The following GRIK1 variants were observed in gnomAD, a reference collection of about 807,000 sequenced individuals.
GRIK1 encodes the protein glutamate receptor ionotropic, kainate 1.
A neutral mutation model predicts 105.7 loss-of-function variants in GRIK1; 69 were observed. That is an observed-to-expected ratio of 0.65 (90% CI 0.54 to 0.80). GRIK1 has a LOEUF of 0.80. GRIK1 is among the 30% of genes least tolerant of loss of function. The pLI, the probability that GRIK1 is intolerant of heterozygous loss-of-function variation, is 0.00. For synonymous variants in GRIK1, 438 were observed against 431.3 expected, an observed-to-expected ratio of 1.02 and a Z score of -0.19; for missense variants, 1,109 against 1,167.3, an observed-to-expected ratio of 0.95 and a Z score of 0.73.
At chr21:29,560,377 C>CT (rs1568813771) in intron 15 of GRIK1, among the ~76,000 whole-genome samples, 9 of 54,084 alleles carry the variant, frequency 1.7e-4, no homozygotes, top group Admixed American at 2.3e-4. Context: ...TCCTTCCTTC[C>CT]TTCCTTCCTT....
chr21:29,553,584 G>C (rs199896632), intron 16 of GRIK1: 35 of 1,592,746 alleles, frequency 2.2e-5, no homozygotes, highest in Non-Finnish European at 3.0e-5. Flanking sequence ...GACTGTTTTC[G>C]AATCCCTCTC....
chr21:29,729,263 G>A (rs1031875154), intron 1 of GRIK1, among the ~76,000 whole-genome samples: 5 of 152,144 alleles, frequency 3.3e-5, no homozygotes, highest in African/African-American at 9.7e-5. Context: ...TTGAGGCTGG[G>A]CATTTCTTAT....
intron 1 of GRIK1, among the ~76,000 whole-genome samples, chr21:29,753,184 A>G (rs2065248380): frequency 6.6e-6 from 1 of 152,228 alleles, no homozygotes; most frequent in African/African-American, 2.4e-5. Flanking sequence ...ACAATTATTA[A>G]TAGTTAATAA....
At chr21:29,743,059 G>A (rs2064968243) in intron 1 of GRIK1, among the ~76,000 whole-genome samples, 1 of 150,934 alleles carries the variant, frequency 6.6e-6, no homozygotes. Context: ...TTTTCAAGGT[G>A]TTCTTAGATA....
At chr21:29,784,516 T>A (rs184472621) in intron 1 of GRIK1, among the ~76,000 whole-genome samples, 2,411 of 152,154 alleles carry the variant, frequency 0.016, 34 homozygotes, top group African/African-American at 0.04. Context: ...GGTTTTTTTT[T>A]AAAAAAATAT....
chr21:29,888,436 T>C (rs1165377431), intron 1 of GRIK1, among the ~76,000 whole-genome samples: 1 of 151,310 alleles, frequency 6.6e-6, no homozygotes, highest in Non-Finnish European at 1.5e-5. Context: ...AGCTAATTTT[T>C]GTACTTTTTT....
chr21:29,689,328 G>T lies in GRIK1; in HGVS notation c.544+400C>A, dbSNP rs551928346. 2.6e-5 allele frequency among the ~76,000 whole-genome samples: 4 copies of T among 152,130 alleles called. No individual in the cohort carries two copies. The East Asian group carries it at 7.7e-4, about 29-fold the overall frequency. ...AATGAATTCCTCTTTGTTAACTTAC[G>T]TTAGAAACTTTTCTAAACATTTACA... On this transcript the variant is annotated intron_variant, in intron 3 of 17. Transcript: ENST00000327783.
intron 1 of GRIK1, among the ~76,000 whole-genome samples, chr21:29,699,430 G>A (rs2146760238): frequency 6.6e-6 from 1 of 152,270 alleles, no homozygotes; most frequent in South Asian, 2.1e-4. Flanking sequence ...GAAAGGCCAT[G>A]TGAGGGCCAA....
Position 29,537,375 on chromosome 21 carries a change from A to G in GRIK1, c.2705T>C (p.Phe902Ser), listed in dbSNP as rs2089896331. Residue 902 changes from phenylalanine (F) to serine (S), a missense_variant, in exon 18 of 18, where the codon TTC (phenylalanine) becomes TCC (serine). Coordinates refer to ENST00000327783, the MANE Select transcript of GRIK1 (RefSeq NM_001330994.2). ...TCCCAGTTCTTCCATGATAGCGTTG[A>G]AAGAGAGACACTAGGGAACATGAGA... Reference protein sequence around the residue: ...QSLGVEKCLSFNAIMEELGIS... With the variant: ...QSLGVEKCLSSNAIMEELGIS... 6.2e-7 allele frequency: 1 copy of G among 1,610,210 alleles called. No homozygotes were observed. The highest frequency in any genetic ancestry group is 8.5e-7 in the Non-Finnish European group (1 of 1,177,952).
chr21:29,935,871 T>C (rs773918197), intron 1 of GRIK1, among the ~76,000 whole-genome samples: 1 of 152,160 alleles, frequency 6.6e-6, no homozygotes, highest in Non-Finnish European at 1.5e-5. Context: ...AAAGGTCTTA[T>C]AAAGATACAC....
At chr21:29,718,682 C>G (rs1481806236) in intron 1 of GRIK1, among the ~76,000 whole-genome samples, 2 of 152,180 alleles carry the variant, frequency 1.3e-5, no homozygotes, top group Admixed American at 1.3e-4. Context: ...GGCAGGTGCA[C>G]AGGAGCCCTT....
rs574156847 is a variant in GRIK1 at position 29,891,926 on chromosome 21, T to C, written c.118+47457A>G. 3.9e-5 allele frequency among the ~76,000 whole-genome samples: 6 copies of C among 152,340 alleles called. No homozygotes were observed. The East Asian group carries it at 7.7e-4, about 20-fold the overall frequency. The stretch of plus-strand genomic sequence containing the variant: ...TAATTTCATCTACTGAACACATATC[T>C]TGTTATACAGCAGTGTCTACATATC... On this transcript the variant is annotated intron_variant, in intron 1 of 17. Coordinates refer to ENST00000327783, the MANE Select transcript of GRIK1 (RefSeq NM_001330994.2).
intron 3 of GRIK1, among the ~76,000 whole-genome samples, chr21:29,677,923 A>T (rs2063303006): frequency 6.6e-6 from 1 of 152,188 alleles, no homozygotes; most frequent in Admixed American, 6.5e-5. Flanking sequence ...AGTGTGAGAA[A>T]TTCTCTACCT....
chr21:29,743,228 G>C (rs1212470000), intron 1 of GRIK1, among the ~76,000 whole-genome samples: 1 of 152,110 alleles, frequency 6.6e-6, no homozygotes, highest in Non-Finnish European at 1.5e-5. Context: ...AAGGGCATAT[G>C]GGTGTTTATA....
chr21:29,832,666 T>C (rs984624851), intron 1 of GRIK1, among the ~76,000 whole-genome samples: 8 of 152,092 alleles, frequency 5.3e-5, no homozygotes, highest in African/African-American at 1.9e-4. Flanking sequence ...GTTGTGAGGT[T>C]TTACAAGACA....
At chr21:29,901,840 G>GA (rs1051006846) in intron 1 of GRIK1, among the ~76,000 whole-genome samples, 19 of 150,984 alleles carry the variant, frequency 1.3e-4, no homozygotes, top group East Asian at 1.9e-4. Flanking sequence ...AGAGACACAA[G>GA]AAAAAAAAGG....
At chr21:29,848,120 G>A (rs1046549759) in intron 1 of GRIK1, among the ~76,000 whole-genome samples, 7 of 152,052 alleles carry the variant, frequency 4.6e-5, no homozygotes, top group African/African-American at 1.7e-4. Context: ...CCAATAATCA[G>A]ACTTTGCCTT....
At chr21:29,808,233 T>C (rs2066915939) in intron 1 of GRIK1, among the ~76,000 whole-genome samples, 1 of 152,114 alleles carries the variant, frequency 6.6e-6, no homozygotes, top group Non-Finnish European at 1.5e-5. Context: ...ATGGATTAAT[T>C]GCACTCTCCA....
intron 1 of GRIK1, among the ~76,000 whole-genome samples, chr21:29,885,654 T>C (rs184291676): frequency 6.6e-6 from 1 of 152,230 alleles, no homozygotes; most frequent in Admixed American, 6.6e-5. Flanking sequence ...TGAGTTAATG[T>C]ACTGATGACT....
Sources: allele counts gnomAD v4.1 joint callset (sites outside exome capture counted in the v4.1 genomes callset), GRCh38; gene constraint gnomAD v4.1.1; transcripts MANE v1.5; gene names NCBI Gene and HGNC (gene_info 2026-07-23, HGNC 2026-07-21).